The following RBPJ variants were observed in gnomAD, a reference collection of about 807,000 sequenced individuals.
The protein encoded by RBPJ is recombining binding protein suppressor of hairless.
Under a neutral mutation model 67.8 loss-of-function variants are expected in RBPJ, and 9 were observed. The observed-to-expected ratio is 0.13, with a 90% CI of 0.08 to 0.23. RBPJ has a LOEUF of 0.23. RBPJ is among the 10% of genes least tolerant of loss of function. The probability of loss-of-function intolerance (pLI) is 1.00; values close to 1 mark genes in which losing one functional copy is unlikely to be tolerated. For missense variants in RBPJ, 305 were observed against 595.6 expected (o/e 0.51, Z 5.08); for synonymous variants, 198 against 203.3 (o/e 0.97, Z 0.22).
chr4:26,111,154 C>T, the RBPJ span, among the ~76,000 whole-genome samples: 1 of 152,168 alleles, frequency 6.6e-6, no homozygotes, highest in Non-Finnish European at 1.5e-5. Flanking sequence ...GCTCAGACAA[C>T]CACCACTTGT....
At position 26,165,112 on chromosome 4, in the gene RBPJ, A is replaced by T. The variant is rs183272028; in HGVS notation, c.-167+1498A>T. On this transcript the variant is annotated intron_variant, in intron 1 of 4. Coordinates refer to the RBPJ transcript ENST00000512351. Reference sequence around the variant, plus strand: ...TGGAATGAAAAGGGCACTGCTCTTTATTATGCAAAAAAATTCTCTTTTAAA... The same window carrying T: ...TGGAATGAAAAGGGCACTGCTCTTTTTTATGCAAAAAAATTCTCTTTTAAA... Among the ~76,000 whole-genome samples, 690 of 152,228 alleles carry T rather than the reference A, an allele frequency of 4.5e-3. 6 individuals are homozygous for T. Among genetic ancestry groups the T allele is most frequent in the African/African-American group, 0.016 (658 of 41,522 alleles).
chr4:26,123,889 C>G, the RBPJ span, among the ~76,000 whole-genome samples: 1 of 152,122 alleles, frequency 6.6e-6, no homozygotes, highest in African/African-American at 2.4e-5. Flanking sequence ...GTCTTCTGTA[C>G]TTCCAGAAGT....
At chr4:26,332,793 C>T (rs991436966) in intron 1 of RBPJ, among the ~76,000 whole-genome samples, 6 of 152,152 alleles carry the variant, frequency 3.9e-5, no homozygotes, top group African/African-American at 1.4e-4. Context: ...GCTACAGACA[C>T]TCGCCACCAG....
At chr4:26,399,333 G>A (rs532284269) in intron 2 of RBPJ, among the ~76,000 whole-genome samples, 1 of 152,202 alleles carries the variant, frequency 6.6e-6, no homozygotes, top group South Asian at 2.1e-4. Context: ...TAATAACATT[G>A]ATTATGTTCC....
chr4:26,403,255 GT>G (rs1733037651), intron 2 of RBPJ, among the ~76,000 whole-genome samples: 1 of 148,680 alleles, frequency 6.7e-6, no homozygotes, highest in African/African-American at 2.5e-5. Context: ...TTCGTTTTGA[GT>G]TTTTCTCTGG....
upstream of RBPJ, among the ~76,000 whole-genome samples, chr4:26,315,167 A>AAAAAAAATATATATATAT (rs1325689348): frequency 2.7e-5 from 2 of 74,762 alleles, no homozygotes; most frequent in African/African-American, 6.7e-5. Flanking sequence ...AAAAAAAAAA[A>AAAAAAAATATATATATAT]ATATATATAT....
chr4:26,335,613 A>G (rs940366568), intron 1 of RBPJ, among the ~76,000 whole-genome samples: 26 of 136,464 alleles, frequency 1.9e-4, no homozygotes, highest in Admixed American at 5.4e-4. Context: ...ACATATGCTT[A>G]CTTCTTTTTT....
Position 26,205,105 on chromosome 4 carries a change from C to T in RBPJ, c.-167+41491C>T, listed in dbSNP as rs957775234. The stretch of plus-strand genomic sequence containing the variant: ...GGCTCAGTTAAGGGCCCAGGGCTCC[C>T]GCTGGCCACCAGGAGCACAGGAAGA... On this transcript the variant is annotated intron_variant, in intron 1 of 4. Transcript: ENST00000512351. Among the ~76,000 whole-genome samples, 5 of 152,118 alleles carry T rather than the reference C, an allele frequency of 3.3e-5. No individual in the cohort carries two copies. In the South Asian group the frequency reaches 8.3e-4, roughly 25 times the overall value.
At chr4:26,183,643 T>C (rs1380169915) in intron 1 of RBPJ, among the ~76,000 whole-genome samples, 2 of 152,214 alleles carry the variant, frequency 1.3e-5, no homozygotes, top group African/African-American at 2.4e-5. Flanking sequence ...TGGTTAGTGG[T>C]GGGCTAGGAC....
intron 8 of RBPJ, among the ~76,000 whole-genome samples, chr4:26,429,683 T>C (rs1396965264): frequency 6.6e-6 from 1 of 152,240 alleles, no homozygotes; most frequent in Non-Finnish European, 1.5e-5. Flanking sequence ...AAATAGTTTG[T>C]ATTATAAGAA....
chr4:26,142,055 G>A, the RBPJ span, among the ~76,000 whole-genome samples: 5 of 152,378 alleles, frequency 3.3e-5, no homozygotes, highest in East Asian at 1.9e-4. Context: ...GTTCCTTGCC[G>A]TGGTTAAGTG....
chr4:26,317,568 G>T (rs1722696165), upstream of RBPJ, among the ~76,000 whole-genome samples: 1 of 152,168 alleles, frequency 6.6e-6, no homozygotes, highest in African/African-American at 2.4e-5. Flanking sequence ...AGCACAGACT[G>T]CGGGAAGACA....
chr4:26,373,297 T>C (rs1249416986), intron 1 of RBPJ, among the ~76,000 whole-genome samples: 1 of 152,198 alleles, frequency 6.6e-6, no homozygotes, highest in Admixed American at 6.5e-5. Context: ...TTTATATGTG[T>C]TTAAAAGTGG....
chr4:26,113,498 A>G, the RBPJ span: 1 of 553,586 alleles, frequency 1.8e-6, no homozygotes, highest in Non-Finnish European at 3.5e-6. Flanking sequence ...CTATGACTGT[A>G]AGCAATGTGG....
At chr4:26,266,254 A>G (rs1560235954) in intron 1 of RBPJ, among the ~76,000 whole-genome samples, 2 of 152,158 alleles carry the variant, frequency 1.3e-5, no homozygotes, top group Non-Finnish European at 1.5e-5. Context: ...GGGAGAAAAA[A>G]AATATTTTCC....
At chr4:26,132,810 C>A in the RBPJ span, among the ~76,000 whole-genome samples, 4 of 151,988 alleles carry the variant, frequency 2.6e-5, no homozygotes, top group Non-Finnish European at 4.4e-5. Flanking sequence ...ACTTCTCAAC[C>A]CCCCCACCCC....
chr4:26,171,889 C>T (rs1339981862), intron 1 of RBPJ, among the ~76,000 whole-genome samples: 4 of 152,272 alleles, frequency 2.6e-5, no homozygotes, highest in East Asian at 1.9e-4. Flanking sequence ...TCAGCAGGCT[C>T]GGGGTTTTGC....
At chr4:26,184,181 CA>C (rs150415692) in intron 1 of RBPJ, among the ~76,000 whole-genome samples, 623 of 89,788 alleles carry the variant, frequency 6.9e-3, no homozygotes, top group Non-Finnish European at 8.5e-3. Flanking sequence ...GACTTCATCT[CA>C]AAAAAAAAAA....
At chr4:26,184,375 A>G (rs1382995560) in intron 1 of RBPJ, among the ~76,000 whole-genome samples, 1 of 151,988 alleles carries the variant, frequency 6.6e-6, no homozygotes, top group Non-Finnish European at 1.5e-5. Context: ...ACAGCCAGGG[A>G]GCAGGGTGGG....
Sources: allele counts gnomAD v4.1 joint callset (sites outside exome capture counted in the v4.1 genomes callset), GRCh38; gene constraint gnomAD v4.1.1; transcripts MANE v1.5; gene names NCBI Gene and HGNC (gene_info 2026-07-23, HGNC 2026-07-21).